Variants in SLC30A9 observed in about 807,000 individuals in gnomAD.
The protein encoded by SLC30A9 is solute carrier family 30 member 9.
A neutral mutation model predicts 87.5 loss-of-function variants in SLC30A9; 58 were observed. The ratio of observed to expected loss-of-function variants is 0.66; its 90% CI spans 0.54 to 0.82. The LOEUF (loss-of-function observed/expected upper bound fraction) is 0.82. Among genes scored for constraint, SLC30A9 ranks in the 40% least tolerant of loss-of-function variants. The probability of loss-of-function intolerance (pLI) is 0.00; values close to 1 mark genes in which losing one functional copy is unlikely to be tolerated. For synonymous variants in SLC30A9, 234 were observed against 233.0 expected (o/e 1.00, Z -0.04); for missense variants, 557 against 679.1 (o/e 0.82, Z 2.00).
intron 7 of SLC30A9, among the ~76,000 whole-genome samples, chr4:42,038,531 C>T (rs1716782452): frequency 6.6e-6 from 1 of 152,078 alleles, no homozygotes; most frequent in African/African-American, 2.4e-5. Context: ...GAAATCTAGA[C>T]CCATAGTCAG....
rs1469985996 is a variant in SLC30A9, at chr4:42,087,727, C to T, written c.*1601C>T. On this transcript the variant is annotated 3_prime_UTR_variant, in exon 18 of 18. Coordinates refer to ENST00000264451, the MANE Select transcript of SLC30A9 (RefSeq NM_006345.4). Reference sequence around the variant, plus strand: ...ATTTGATACTCTATTCTTACAGTTTCAAATTCCTTATCCCTTCTTTACAAA... The same window carrying T: ...ATTTGATACTCTATTCTTACAGTTTTAAATTCCTTATCCCTTCTTTACAAA... 1 of 150,524 alleles carries T rather than the reference C, an allele frequency of 6.6e-6. No homozygotes were observed. The highest frequency in any genetic ancestry group is 2.4e-5 in the African/African-American group (1 of 41,024). The allele number at this position is 150,524 out of a possible 1,614,324, so 9.3% of individuals were successfully genotyped here.
chr4:42,057,699 G>T (rs1717676783), intron 9 of SLC30A9, among the ~76,000 whole-genome samples: 1 of 152,078 alleles, frequency 6.6e-6, no homozygotes, highest in Admixed American at 6.6e-5. Flanking sequence ...CATTACTTAT[G>T]CAAATTTCTG....
intron 1 of SLC30A9, 72 bp from the exon 2 acceptor site, chr4:42,001,544 A>G: frequency 1.1e-6 from 1 of 884,604 alleles, no homozygotes; most frequent in Non-Finnish European, 1.7e-6. Flanking sequence ...ACCTCTGGAG[A>G]GGGTGGCTTG....
intron 6 of SLC30A9, chr4:42,030,122 G>A: frequency 1.1e-6 from 1 of 902,658 alleles, no homozygotes; most frequent in Non-Finnish European, 1.5e-6. Flanking sequence ...GTTAAGAGCT[G>A]ATCACAAGCA....
chr4:42,068,549 C>G (rs1282331185), intron 14 of SLC30A9, among the ~76,000 whole-genome samples: 1 of 152,152 alleles, frequency 6.6e-6, no homozygotes, highest in African/African-American at 2.4e-5. Flanking sequence ...CCGGCCGGAA[C>G]TTAACTCTTG....
At chr4:42,033,216 T>C (rs1716522271) in intron 6 of SLC30A9, among the ~76,000 whole-genome samples, 1 of 152,164 alleles carries the variant, frequency 6.6e-6, no homozygotes, top group South Asian at 2.1e-4. Flanking sequence ...CATGATTTCT[T>C]AGTCAAACCT....
chr4:42,074,848 A>G (rs1718455919), intron 15 of SLC30A9, among the ~76,000 whole-genome samples: 1 of 151,714 alleles, frequency 6.6e-6, no homozygotes, highest in Admixed American at 6.6e-5. Flanking sequence ...ACAGCATTGT[A>G]TGAAGACTTT....
intron 8 of SLC30A9, among the ~76,000 whole-genome samples, chr4:42,039,551 C>T (rs1366471721): frequency 6.6e-6 from 1 of 151,694 alleles, no homozygotes; most frequent in Non-Finnish European, 1.5e-5. Context: ...CAATCTCTGC[C>T]TCCCGGGTTC....
At chr4:42,047,313 A>G (rs957841394) in intron 8 of SLC30A9, among the ~76,000 whole-genome samples, 3 of 152,106 alleles carry the variant, frequency 2.0e-5, no homozygotes, top group Admixed American at 6.5e-5. Flanking sequence ...ATGGGAGAAA[A>G]TTTTTGCAAT....
intron 6 of SLC30A9, among the ~76,000 whole-genome samples, chr4:42,033,796 CGAT>C (rs1305810625): frequency 1.3e-5 from 2 of 152,026 alleles, no homozygotes; most frequent in East Asian, 1.9e-4. Context: ...AGGATGGTCT[CGAT>C]GATCTGACCT....
At chr4:42,002,333 T>G (rs1437771527) in intron 2 of SLC30A9, among the ~76,000 whole-genome samples, 1 of 152,000 alleles carries the variant, frequency 6.6e-6, no homozygotes, top group East Asian at 1.9e-4. Flanking sequence ...ACATGGTATT[T>G]TGTGTGATGA....
At chr4:41,994,293 A>G (rs184685210) in intron 1 of SLC30A9, among the ~76,000 whole-genome samples, 1 of 152,266 alleles carries the variant, frequency 6.6e-6, no homozygotes, top group Non-Finnish European at 1.5e-5. Context: ...AAATTTTTTT[A>G]TTTGTGTTTT....
intron 2 of SLC30A9, among the ~76,000 whole-genome samples, chr4:42,016,648 A>C (rs182522409): frequency 2.6e-5 from 4 of 152,292 alleles, no homozygotes; most frequent in Admixed American, 1.3e-4. Flanking sequence ...ATTATAGCAC[A>C]TACTGTTCAG....
chr4:42,020,183 G>T (rs1458757061), intron 3 of SLC30A9, among the ~76,000 whole-genome samples: 1 of 152,124 alleles, frequency 6.6e-6, no homozygotes, highest in African/African-American at 2.4e-5. Context: ...TTAGACAAAG[G>T]TTGACATTTT....
At chr4:42,035,868 T>C (rs1281366877) in intron 7 of SLC30A9, among the ~76,000 whole-genome samples, 1 of 152,210 alleles carries the variant, frequency 6.6e-6, no homozygotes, top group Non-Finnish European at 1.5e-5. Context: ...CATGTAGATA[T>C]AGATGAGGAA....
At chr4:42,035,766 G>A (rs1045536359) in intron 7 of SLC30A9, among the ~76,000 whole-genome samples, 1 of 99,776 alleles carries the variant, frequency 1.0e-5, no homozygotes, top group African/African-American at 2.6e-5. Flanking sequence ...AAAGTGTTGG[G>A]ATTACAAGCG....
At chr4:42,029,300 GT>G (rs1222246676) in intron 6 of SLC30A9, 2 of 486,912 alleles carry the variant, frequency 4.1e-6, no homozygotes, top group Non-Finnish European at 8.1e-6. Context: ...ACTGGTGGCA[GT>G]TGGTTTAAGA....
At chr4:42,034,807 G>A (rs1036145546) in intron 6 of SLC30A9, among the ~76,000 whole-genome samples, 1 of 152,092 alleles carries the variant, frequency 6.6e-6, no homozygotes, top group African/African-American at 2.4e-5. Flanking sequence ...TAGGATTGCT[G>A]GATTATATGG....
At chr4:42,030,598 T>C (rs77315759) in intron 6 of SLC30A9, among the ~76,000 whole-genome samples, 1 of 28,030 alleles carries the variant, frequency 3.6e-5, no homozygotes, top group Non-Finnish European at 2.8e-4. Flanking sequence ...TTTTTTTTTT[T>C]TGGGCTCTTT....
Sources: allele counts gnomAD v4.1 joint callset (sites outside exome capture counted in the v4.1 genomes callset), GRCh38; gene constraint gnomAD v4.1.1; transcripts MANE v1.5; gene names NCBI Gene and HGNC (gene_info 2026-07-23, HGNC 2026-07-21).